The following SBF2 variants were observed in gnomAD, a reference collection of about 807,000 sequenced individuals.
SBF2 encodes myotubularin-related protein 13.
Under a neutral mutation model 225.2 loss-of-function variants are expected in SBF2, and 112 were observed. The observed-to-expected ratio is 0.50, with a 90% CI of 0.43 to 0.58. The LOEUF (loss-of-function observed/expected upper bound fraction) is 0.58. Ranked by LOEUF, SBF2 falls within the 20% of genes least tolerant of loss-of-function variation. The pLI, the probability that SBF2 is intolerant of heterozygous loss-of-function variation, is 0.00. For synonymous variants in SBF2, 763 were observed against 773.3 expected (o/e 0.99, Z 0.22); for missense variants, 1,996 against 2,206.2 (o/e 0.90, Z 1.91).
chr11:10,012,287 G>A (rs1948487935), intron 6 of SBF2, among the ~76,000 whole-genome samples: 1 of 152,034 alleles, frequency 6.6e-6, no homozygotes, highest in Admixed American at 6.6e-5. Flanking sequence ...CTGGGACTAA[G>A]GGGTGCACCA....
rs71453933 is a variant in SBF2, at chr11:9,826,731, ATGTGTG to A, written c.3793+2619_3793+2624del. ...GTGGTGTGTATATATATATATATAT[ATGTGTG>A]TGTGTGTGTGTGTATGTGTGTGTGT... On this transcript the variant is annotated intron_variant, in intron 28 of 39. Transcript: ENST00000256190. Among the ~76,000 whole-genome samples, 646 of 64,926 alleles carry A rather than the reference ATGTGTG, an allele frequency of 9.9e-3. 2 individuals carry two copies. Among genetic ancestry groups the A allele is most frequent in the African/African-American group, 0.052 (595 of 11,422 alleles). 42.6% of individuals were successfully genotyped at this position (64,926 alleles called of 152,430 possible). A position where few individuals can be genotyped will look rare whatever the true frequency, so the allele number is the denominator to read the frequency against.
intron 2 of SBF2, among the ~76,000 whole-genome samples, chr11:10,074,117 C>T (rs1195066781): frequency 6.6e-6 from 1 of 152,018 alleles, no homozygotes; most frequent in Non-Finnish European, 1.5e-5. Flanking sequence ...GGGTTTGAGG[C>T]CAGTAGGTAG....
intron 1 of SBF2, among the ~76,000 whole-genome samples, chr11:10,216,315 ACT>A (rs1392053462): frequency 1.3e-5 from 2 of 152,234 alleles, no homozygotes; most frequent in Admixed American, 6.5e-5. Context: ...TTTTCCTTAC[ACT>A]GAGTCAAAAT....
chr11:9,962,730 G>C (rs1020567860), intron 15 of SBF2, among the ~76,000 whole-genome samples: 1 of 152,144 alleles, frequency 6.6e-6, no homozygotes, highest in African/African-American at 2.4e-5. Flanking sequence ...CACCATGTAG[G>C]ACTTAGTTAA....
chr11:10,293,064 G>A (rs142345328), intron 1 of SBF2, among the ~76,000 whole-genome samples: 200 of 152,330 alleles, frequency 1.3e-3, no homozygotes, highest in African/African-American at 4.3e-3. Flanking sequence ...GAAAAATGAA[G>A]GGGCTGTAGA....
chr11:10,187,307 C>CT (rs1956966290), intron 2 of SBF2, among the ~76,000 whole-genome samples: 1 of 149,600 alleles, frequency 6.7e-6, no homozygotes, highest in Non-Finnish European at 1.5e-5. Flanking sequence ...CTTTTTCTCT[C>CT]CTCTCTCTCT....
chr11:10,208,664 G>A (rs967590163), intron 1 of SBF2, among the ~76,000 whole-genome samples: 3 of 152,022 alleles, frequency 2.0e-5, no homozygotes, highest in Non-Finnish European at 4.4e-5. Flanking sequence ...AAGGTATTAC[G>A]AAAATTATTA....
chr11:9,996,677 C>T (rs1326997549), intron 9 of SBF2, among the ~76,000 whole-genome samples: 2 of 152,220 alleles, frequency 1.3e-5, no homozygotes, highest in Non-Finnish European at 2.9e-5. Flanking sequence ...GCGTGAGCCA[C>T]CGCACCCTGC....
At chr11:9,873,372 G>A (rs908022824) in intron 17 of SBF2, among the ~76,000 whole-genome samples, 2 of 152,118 alleles carry the variant, frequency 1.3e-5, no homozygotes, top group South Asian at 2.1e-4. Context: ...GATATGTTAT[G>A]GAAACAAAGC....
At chr11:10,194,655 C>G (rs1167168198) in intron 1 of SBF2, among the ~76,000 whole-genome samples, 1 of 152,100 alleles carries the variant, frequency 6.6e-6, no homozygotes, top group Non-Finnish European at 1.5e-5. Context: ...GGATTACAGG[C>G]ACCCACCACC....
chr11:10,278,100 A>G (rs1565428607), intron 1 of SBF2, among the ~76,000 whole-genome samples: 1 of 152,180 alleles, frequency 6.6e-6, no homozygotes, highest in African/African-American at 2.4e-5. Context: ...TTAGTTAACA[A>G]TCTTTTTGTT....
chr11:9,858,026 T>C (rs1365263188), intron 18 of SBF2, among the ~76,000 whole-genome samples, 200 bp downstream of exon 18: 1 of 152,204 alleles, frequency 6.6e-6, no homozygotes, highest in African/African-American at 2.4e-5. Context: ...ATCCTAGTGC[T>C]GAAGAACTGT....
At chr11:9,883,078 G>A (rs1859958178) in intron 17 of SBF2, among the ~76,000 whole-genome samples, 1 of 152,032 alleles carries the variant, frequency 6.6e-6, no homozygotes, top group African/African-American at 2.4e-5. Flanking sequence ...AGGTTGCAGT[G>A]AGCCGAGATT....
rs553169527 is a variant in SBF2, at chr11:10,246,428, C to T, written c.55+47587G>A. On this transcript the variant is annotated intron_variant, in intron 1 of 39. Transcript: ENST00000256190. ...CCTCCCGAGTAGCTGGGGTTACAAG[C>T]GTTTGCCACCATGCCCAGCTAATTT... is the stretch of plus-strand genomic sequence containing the variant. 3.9e-5 allele frequency among the ~76,000 whole-genome samples: 6 copies of T among 152,280 alleles called. No individual in the cohort carries two copies. The South Asian group carries it at 8.3e-4, about 21-fold the overall frequency.
intron 6 of SBF2, among the ~76,000 whole-genome samples, chr11:10,005,065 CTG>C (rs1948136570): frequency 6.6e-6 from 1 of 152,190 alleles, no homozygotes; most frequent in South Asian, 2.1e-4. Context: ...GATTATTAAA[CTG>C]TCTCTCTAAA....
chr11:10,225,364 A>C (rs1185274533), intron 1 of SBF2, among the ~76,000 whole-genome samples: 2 of 152,164 alleles, frequency 1.3e-5, no homozygotes, highest in African/African-American at 4.8e-5. Flanking sequence ...TAAATGAAAA[A>C]GATCTTTTTA....
At chr11:9,992,917 G>GA (rs1333936898) in intron 11 of SBF2, 73 bp downstream of exon 11, 73 of 1,124,458 alleles carry the variant, frequency 6.5e-5, no homozygotes, top group South Asian at 8.3e-5. Flanking sequence ...AAATGGCTCG[G>GA]AAAAAAAACC....
At chr11:10,182,347 T>G (rs1956768847) in intron 2 of SBF2, among the ~76,000 whole-genome samples, 1 of 152,174 alleles carries the variant, frequency 6.6e-6, no homozygotes, top group African/African-American at 2.4e-5. Flanking sequence ...CTGTTGTCCT[T>G]TATAAGCAAA....
At chr11:9,911,815 T>C (rs1362538553) in intron 16 of SBF2, among the ~76,000 whole-genome samples, 1 of 152,226 alleles carries the variant, frequency 6.6e-6, no homozygotes, top group Non-Finnish European at 1.5e-5. Context: ...TACTTACCAT[T>C]GTGTTACAAC....
Sources: allele counts gnomAD v4.1 joint callset (sites outside exome capture counted in the v4.1 genomes callset), GRCh38; gene constraint gnomAD v4.1.1; transcripts MANE v1.5; gene names NCBI Gene and HGNC (gene_info 2026-07-23, HGNC 2026-07-21).